ANO6: variants seen among roughly 807,000 people sequenced by gnomAD.
The protein encoded by ANO6 is anoctamin-6.
In ANO6, 106 loss-of-function variants were observed where a neutral mutation model predicts 117.5. That is an observed-to-expected ratio of 0.90 (90% confidence interval 0.77 to 1.06). ANO6 has a LOEUF of 1.06. ANO6 is among the 50% of genes least tolerant of loss of function. The pLI, the probability that ANO6 is intolerant of heterozygous loss-of-function variation, is 0.00. For synonymous variants in ANO6, 367 were observed against 385.1 expected (o/e 0.95, Z 0.55); for missense variants, 955 against 1,121.1 (o/e 0.85, Z 2.12).
At chr12:45,347,131 C>T (rs377349116) in intron 4 of ANO6, 44 bp downstream of exon 4, 35 of 1,588,374 alleles carry the variant, frequency 2.2e-5, no homozygotes, top group Middle Eastern at 1.7e-4. Context: ...CCACTGTTCT[C>T]GGGCAGCTTC....
chr12:45,250,612 A>G (rs1195200951), intron 1 of ANO6, among the ~76,000 whole-genome samples: 2 of 151,894 alleles, frequency 1.3e-5, no homozygotes, highest in East Asian at 3.9e-4. Flanking sequence ...TGTGTTGCCT[A>G]GGCTGGTCTC....
chr12:45,371,867 C>T (rs1941848856), intron 9 of ANO6, among the ~76,000 whole-genome samples: 2 of 152,022 alleles, frequency 1.3e-5, no homozygotes, highest in Admixed American at 6.5e-5. Context: ...TGGAGAATGA[C>T]TTTGACGAGC....
At chr12:45,322,473 T>C (rs1940313019) in intron 2 of ANO6, among the ~76,000 whole-genome samples, 1 of 152,172 alleles carries the variant, frequency 6.6e-6, no homozygotes, top group Admixed American at 6.6e-5. Flanking sequence ...TATAAGGCAT[T>C]TGAAAAGTTT....
chr12:45,376,081 G>A (rs1303912187), intron 9 of ANO6, among the ~76,000 whole-genome samples: 1 of 150,958 alleles, frequency 6.6e-6, no homozygotes, highest in Non-Finnish European at 1.5e-5. Context: ...CATTTATGCA[G>A]CCAAAAGACA....
At chr12:45,260,812 G>A (rs1938000931) in intron 1 of ANO6, among the ~76,000 whole-genome samples, 2 of 151,974 alleles carry the variant, frequency 1.3e-5, no homozygotes, top group African/African-American at 4.8e-5. Flanking sequence ...AAGAGACGGG[G>A]TTTCTTGCTC....
chr12:45,424,164 G>C (rs1943434999), intron 19 of ANO6, among the ~76,000 whole-genome samples: 1 of 151,816 alleles, frequency 6.6e-6, no homozygotes. Context: ...TGAAGTGATT[G>C]GCCTTCTCCT....
In ANO6 at chr12:45,431,514, G is replaced by A. The variant is rs1171997917; in HGVS notation, c.*2203G>A. 1 of 985,194 alleles carries A rather than the reference G, an allele frequency of 1.0e-6. No individual in the cohort carries two copies. Among genetic ancestry groups the A allele is most frequent in the Admixed American group, 6.2e-5 (1 of 16,250 alleles). The allele number at this position is 985,194 out of a possible 1,614,324, so 61.0% of individuals were successfully genotyped here. A position where few individuals can be genotyped will look rare whatever the true frequency, so the allele number is the denominator to read the frequency against. On this transcript the variant is annotated 3_prime_UTR_variant, in exon 20 of 20. Transcript: ENST00000320560. ...AGAAAATCCTCTTCATAGATTAAAT[G>A]TGCTGCTGTGGACAGGAGGGGAAAA...
rs12230667 is a variant in ANO6, at chr12:45,378,251, G to A, written c.1165+138G>A. 101,776 of 794,808 alleles carry A rather than the reference G, an allele frequency of 0.13. 11,309 individuals carry two copies. Among genetic ancestry groups the A allele is most frequent in the East Asian group, 0.5 (19,608 of 39,486 alleles). The allele number at this position is 794,808 out of a possible 1,614,324, so 49.2% of individuals were successfully genotyped here. On this transcript the variant is annotated intron_variant, in intron 10 of 19. Transcript: ENST00000320560. Reference sequence around the variant, plus strand: ...CCTAGAATTCCATTTATAACTGAGGGCATTTATCAGTTAACTTTTACTATA... The same window carrying A: ...CCTAGAATTCCATTTATAACTGAGGACATTTATCAGTTAACTTTTACTATA...
At chr12:45,293,735 T>TG (rs1939189879) in intron 1 of ANO6, among the ~76,000 whole-genome samples, 1 of 126,678 alleles carries the variant, frequency 7.9e-6, no homozygotes, top group African/African-American at 3.0e-5. Context: ...TAATGTTTTT[T>TG]TTTTTTTTTT....
chr12:45,232,889 A>G lies in ANO6; in HGVS notation c.70+16498A>G, dbSNP rs547268782. ...CCTTTCTTGTGCTAAAGGAGAGGCC[A>G]TGGAGAGCTTGGACCGCAGCAATTC... On this transcript the variant is annotated intron_variant, in intron 1 of 19. Coordinates refer to ENST00000320560, the MANE Select transcript of ANO6 (RefSeq NM_001025356.3). Among the ~76,000 whole-genome samples, 19 of 152,310 alleles carry G rather than the reference A, an allele frequency of 1.2e-4. No homozygotes were observed. In the South Asian group the frequency reaches 3.9e-3, roughly 32 times the overall value.
At chr12:45,221,093 A>G (rs1341778667) in intron 1 of ANO6, among the ~76,000 whole-genome samples, 3 of 152,098 alleles carry the variant, frequency 2.0e-5, no homozygotes, top group Non-Finnish European at 2.9e-5. Context: ...TGAGCCCTCA[A>G]TCTGAGCTCT....
chr12:45,242,577 C>T (rs1286796223), intron 1 of ANO6, among the ~76,000 whole-genome samples: 2 of 152,250 alleles, frequency 1.3e-5, no homozygotes, highest in African/African-American at 2.4e-5. Context: ...CTGTGGGCTG[C>T]ACCCACTGTC....
chr12:45,379,066 T>G (rs193071126), intron 10 of ANO6, among the ~76,000 whole-genome samples: 2 of 152,328 alleles, frequency 1.3e-5, no homozygotes, highest in Admixed American at 1.3e-4. Flanking sequence ...GAAGAAAAAT[T>G]TCCATTTTCA....
At chr12:45,329,472 A>G (rs1940590207) in intron 2 of ANO6, among the ~76,000 whole-genome samples, 1 of 152,092 alleles carries the variant, frequency 6.6e-6, no homozygotes, top group South Asian at 2.1e-4. Context: ...CACACATGGG[A>G]GGTTTGCATG....
chr12:45,431,170 A>G lies in ANO6; in HGVS notation c.*1859A>G. 1.0e-6 allele frequency: 1 copy of G among 985,300 alleles called. No individual in the cohort carries two copies. The highest frequency in any genetic ancestry group is 1.2e-6 in the Non-Finnish European group (1 of 829,834). The allele number at this position is 985,300 out of a possible 1,614,324, so 61.0% of individuals were successfully genotyped here. A position where few individuals can be genotyped will look rare whatever the true frequency, so the allele number is the denominator to read the frequency against. On this transcript the variant is annotated 3_prime_UTR_variant, in exon 20 of 20. Coordinates refer to ENST00000320560, the MANE Select transcript of ANO6 (RefSeq NM_001025356.3). ...GTTAATGATGCAATCAGAGTTCAAG[A>G]CAGGCCCCATGAAGTCTGACTGCAC... is the stretch of plus-strand genomic sequence containing the variant.
At chr12:45,372,283 C>A (rs1342276098) in intron 9 of ANO6, among the ~76,000 whole-genome samples, 1 of 140,330 alleles carries the variant, frequency 7.1e-6, no homozygotes, top group East Asian at 2.1e-4. Context: ...TTGGAAAACA[C>A]TCTGCAGGAT....
At chr12:45,259,194 A>C (rs1937938960) in intron 1 of ANO6, among the ~76,000 whole-genome samples, 2 of 152,232 alleles carry the variant, frequency 1.3e-5, no homozygotes, top group African/African-American at 2.4e-5. Context: ...TGAAGCATTA[A>C]GTTTGAGGTG....
At chr12:45,385,041 G>A (rs1216021673) in intron 10 of ANO6, among the ~76,000 whole-genome samples, 1 of 152,152 alleles carries the variant, frequency 6.6e-6, no homozygotes. Context: ...TCCCCAGGTG[G>A]TGGGGGTCCT....
At chr12:45,359,026 C>T (rs527337101) in intron 8 of ANO6, among the ~76,000 whole-genome samples, 98 of 152,230 alleles carry the variant, frequency 6.4e-4, no homozygotes, top group Non-Finnish European at 1.3e-3. Flanking sequence ...TCAGGTGATC[C>T]GCCCGCCTCG....
Sources: gnomAD v4.1 joint callset for allele counts (sites outside exome capture counted in the v4.1 genomes callset) on GRCh38, gnomAD v4.1.1 for gene constraint, MANE v1.5 for transcripts, NCBI Gene and HGNC (gene_info 2026-07-23, HGNC 2026-07-21) for gene names.